Variants in CTIF observed in about 807,000 individuals in gnomAD.
The protein encoded by CTIF is cap binding complex dependent translation initiation factor, also known as CBP80/20-dependent translation initiation factor.
Under a neutral mutation model 66.0 loss-of-function variants are expected in CTIF, and 21 were observed. The observed-to-expected ratio is 0.32, with a 90% CI of 0.23 to 0.46. CTIF has a LOEUF of 0.46. CTIF is among the 20% of genes least tolerant of loss of function. CTIF has a pLI of 1.00. For synonymous variants in CTIF, 345 were observed against 326.4 expected (o/e 1.06, Z -0.62); for missense variants, 739 against 812.7 (o/e 0.91, Z 1.10).
At chr18:48,764,220 T>C (rs1289719066) in intron 9 of CTIF, among the ~76,000 whole-genome samples, 1 of 152,214 alleles carries the variant, frequency 6.6e-6, no homozygotes, top group African/African-American at 2.4e-5. Context: ...GCAGCCACAA[T>C]GTTCAGTCAC....
chr18:48,645,069 A>G (rs2091002076), intron 3 of CTIF, among the ~76,000 whole-genome samples: 1 of 152,168 alleles, frequency 6.6e-6, no homozygotes, highest in Non-Finnish European at 1.5e-5. Context: ...AATGCAATAG[A>G]TGTTCTTATC....
chr18:48,711,748 C>G (rs531759202), intron 7 of CTIF, 53 bp downstream of exon 7: 1 of 1,477,186 alleles, frequency 6.8e-7, no homozygotes, highest in Admixed American at 1.7e-5. Flanking sequence ...CTTCTGCCAT[C>G]TGTAGCGACG....
chr18:48,668,769 C>A (rs1013707101), intron 5 of CTIF, among the ~76,000 whole-genome samples: 1 of 152,176 alleles, frequency 6.6e-6, no homozygotes, highest in African/African-American at 2.4e-5. Flanking sequence ...GCCCCTCGCC[C>A]AAGACAGTTC....
intron 1 of CTIF, among the ~76,000 whole-genome samples, chr18:48,589,062 C>T (rs2089834228): frequency 6.6e-6 from 1 of 152,198 alleles, no homozygotes; most frequent in South Asian, 2.1e-4. Context: ...AAAACCAGGG[C>T]TCTGGGAAGG....
chr18:48,593,513 C>A (rs2089931284), intron 1 of CTIF, among the ~76,000 whole-genome samples: 1 of 151,666 alleles, frequency 6.6e-6, no homozygotes, highest in Non-Finnish European at 1.5e-5. Flanking sequence ...CCCCGAGTAG[C>A]TGGGACTACA....
At chr18:48,692,293 G>A (rs2091937780) in intron 6 of CTIF, among the ~76,000 whole-genome samples, 1 of 148,252 alleles carries the variant, frequency 6.7e-6, no homozygotes, top group Non-Finnish European at 1.5e-5. Flanking sequence ...GGTGTTCATG[G>A]GCCACAAAAA....
Position 48,857,632 on chromosome 18 carries a change from C to T in CTIF, c.1572C>T (p.Cys524=). 1 of 1,607,590 alleles carries T rather than the reference C, an allele frequency of 6.2e-7. No individual in the cohort carries two copies. Among genetic ancestry groups the T allele is most frequent in the East Asian group, 2.3e-5 (1 of 44,372 alleles). The change falls in exon 11 of 12, where the codon TGC becomes TGT. Residue 524 remains cysteine (C), a synonymous_variant. Coordinates refer to ENST00000256413, the MANE Select transcript of CTIF (RefSeq NM_014772.3). ...QDVKEDAVLC[C]SMELQSTGRL... Reference sequence around the variant, plus strand: ...TGAAGGAAGATGCTGTCCTTTGCTGCTCTATGGAGGTAAGCTTTGGGGCTT... The same window carrying T: ...TGAAGGAAGATGCTGTCCTTTGCTGTTCTATGGAGGTAAGCTTTGGGGCTT...
chr18:48,819,506 G>C (rs1360161698), intron 10 of CTIF, among the ~76,000 whole-genome samples: 2 of 152,200 alleles, frequency 1.3e-5, no homozygotes, highest in African/African-American at 4.8e-5. Context: ...GGCTGTAGCC[G>C]AGCGCCGGCC....
intron 10 of CTIF, among the ~76,000 whole-genome samples, chr18:48,830,705 G>A (rs192000395): frequency 6.6e-6 from 1 of 151,820 alleles, no homozygotes; most frequent in East Asian, 1.9e-4. Context: ...GCCTGTCCAG[G>A]GCTCTGCTCA....
At chr18:48,679,014 A>G (rs763949820) in intron 6 of CTIF, among the ~76,000 whole-genome samples, 1 of 152,218 alleles carries the variant, frequency 6.6e-6, no homozygotes, top group Non-Finnish European at 1.5e-5. Flanking sequence ...TGTGGACCCT[A>G]TCGCCGGCAA....
intron 9 of CTIF, among the ~76,000 whole-genome samples, chr18:48,802,741 G>A (rs1183488009): frequency 6.6e-6 from 1 of 152,240 alleles, no homozygotes; most frequent in African/African-American, 2.4e-5. Flanking sequence ...TGTAATCACT[G>A]AGGGCTGCCC....
intron 9 of CTIF, among the ~76,000 whole-genome samples, chr18:48,770,952 C>G (rs1910049935): frequency 6.6e-6 from 1 of 152,112 alleles, no homozygotes; most frequent in Non-Finnish European, 1.5e-5. Context: ...TCCTAGATTC[C>G]CAAAGACCAC....
chr18:48,697,717 A>G (rs2092027803), intron 6 of CTIF, among the ~76,000 whole-genome samples: 1 of 152,162 alleles, frequency 6.6e-6, no homozygotes, highest in African/African-American at 2.4e-5. Flanking sequence ...GTGGTTCTCA[A>G]GGCCAGAGGG....
At chr18:48,820,620 A>G (rs941297485) in intron 10 of CTIF, among the ~76,000 whole-genome samples, 2 of 152,136 alleles carry the variant, frequency 1.3e-5, no homozygotes, top group South Asian at 2.1e-4. Flanking sequence ...TGCAGCTCTC[A>G]TGCAGGCCCC....
At chr18:48,660,268 G>A (rs557989842) in intron 3 of CTIF, among the ~76,000 whole-genome samples, 1 of 151,604 alleles carries the variant, frequency 6.6e-6, no homozygotes, top group African/African-American at 2.4e-5. Flanking sequence ...TGTGTTGGTT[G>A]CGTGACTGCC....
chr18:48,699,446 G>T (rs887942713), intron 6 of CTIF, among the ~76,000 whole-genome samples: 2 of 139,144 alleles, frequency 1.4e-5, no homozygotes, highest in Non-Finnish European at 3.1e-5. Context: ...GGAGCCGGGT[G>T]GTGCAGGTCT....
intron 1 of CTIF, among the ~76,000 whole-genome samples, chr18:48,617,880 G>A (rs1184148936): frequency 6.6e-6 from 1 of 152,138 alleles, no homozygotes; most frequent in Non-Finnish European, 1.5e-5. Context: ...GGGGCCCAGA[G>A]CGAGGCCCTG....
intron 6 of CTIF, among the ~76,000 whole-genome samples, chr18:48,680,980 C>CG (rs2091730328): frequency 6.6e-6 from 1 of 152,218 alleles, no homozygotes; most frequent in Non-Finnish European, 1.5e-5. Flanking sequence ...GACAGGGCTA[C>CG]GTGCTCTCCA....
At chr18:48,721,516 G>A (rs909066305) in intron 7 of CTIF, among the ~76,000 whole-genome samples, 4 of 152,284 alleles carry the variant, frequency 2.6e-5, no homozygotes, top group African/African-American at 7.2e-5. Context: ...AGCCCTCCCC[G>A]GGGACAGTGT....
Sources: allele counts gnomAD v4.1 joint callset (sites outside exome capture counted in the v4.1 genomes callset), GRCh38; gene constraint gnomAD v4.1.1; transcripts MANE v1.5; gene names NCBI Gene and HGNC (gene_info 2026-07-23, HGNC 2026-07-21).